Variants in ZMPSTE24 observed in about 807,000 individuals in gnomAD.
The protein encoded by ZMPSTE24 is CAAX prenyl protease 1 homolog.
Under a neutral mutation model 56.7 loss-of-function variants are expected in ZMPSTE24, and 48 were observed. That is an observed-to-expected ratio of 0.85 (90% CI 0.67 to 1.08). The LOEUF is 1.08. Among genes scored for constraint, ZMPSTE24 ranks in the 50% least tolerant of loss-of-function variants. ZMPSTE24 has a pLI of 0.00. For synonymous variants in ZMPSTE24, 172 were observed against 195.2 expected (o/e 0.88, Z 0.99); for missense variants, 503 against 548.7 (o/e 0.92, Z 0.83).
At chr1:40,270,318 T>G (rs1422285519) in intron 5 of ZMPSTE24, among the ~76,000 whole-genome samples, 191 bp downstream of exon 5, 3 of 152,208 alleles carry the variant, frequency 2.0e-5, no homozygotes, top group Admixed American at 6.5e-5. Flanking sequence ...TTCCTTCTCC[T>G]TATGCTAACT....
chr1:40,279,130 C>T (rs1042110408), intron 6 of ZMPSTE24, among the ~76,000 whole-genome samples: 1 of 152,058 alleles, frequency 6.6e-6, no homozygotes, highest in Admixed American at 6.6e-5. Flanking sequence ...GACAGAGAGA[C>T]CCTGTCTCAA....
At chr1:40,260,743 A>G (rs577116575) in intron 1 of ZMPSTE24, 96 bp from the exon 2 acceptor site, 7 of 1,296,808 alleles carry the variant, frequency 5.4e-6, no homozygotes, top group Middle Eastern at 4.0e-4. Context: ...TTCAACAGAT[A>G]TAAGTGGCAA....
Position 40,293,898 on chromosome 1 carries a change from A to G in ZMPSTE24, c.*1229A>G, listed in dbSNP as rs1386145346. 1.3e-5 allele frequency: 2 copies of G among 152,356 alleles called. No individual in the cohort carries two copies. Among genetic ancestry groups the G allele is most frequent in the African/African-American group, 4.8e-5 (2 of 41,468 alleles). The allele number at this position is 152,356 out of a possible 1,614,324, so 9.4% of individuals were successfully genotyped here. On this transcript the variant is annotated 3_prime_UTR_variant, in exon 10 of 10. Coordinates refer to ENST00000372759, the MANE Select transcript of ZMPSTE24 (RefSeq NM_005857.5). Reference sequence around the variant, plus strand: ...TATTACCTTCTGGGCATTTATTCCAAAGTGGGATCAACTGTACGCCTTTGG... The same window carrying G: ...TATTACCTTCTGGGCATTTATTCCAGAGTGGGATCAACTGTACGCCTTTGG...
intron 6 of ZMPSTE24, among the ~76,000 whole-genome samples, chr1:40,272,512 A>C (rs895323030): frequency 1.3e-5 from 2 of 152,164 alleles, no homozygotes; most frequent in African/African-American, 4.8e-5. Context: ...TGGAGGACTC[A>C]CCTGAAGATT....
intron 3 of ZMPSTE24, 70 bp downstream of exon 3, chr1:40,267,942 AT>A: frequency 7.0e-7 from 1 of 1,422,436 alleles, no homozygotes; most frequent in Non-Finnish European, 9.9e-7. Flanking sequence ...ACTAAAGTTA[AT>A]TTTTTGGCTT....
At chr1:40,268,556 G>A in intron 4 of ZMPSTE24, 21 bp downstream of exon 4, 1 of 1,482,060 alleles carries the variant, frequency 6.7e-7, no homozygotes, top group Non-Finnish European at 9.4e-7. Context: ...GAATACAAAT[G>A]TTCTCTTTTA....
chr1:40,291,022 C>T (rs777199015), intron 9 of ZMPSTE24, 25 bp downstream of exon 9: 1 of 1,612,242 alleles, frequency 6.2e-7, no homozygotes, highest in Non-Finnish European at 8.5e-7. Context: ...TTAAAATTAT[C>T]ACACATATGC....
intron 2 of ZMPSTE24, among the ~76,000 whole-genome samples, chr1:40,267,013 C>T (rs2312199): frequency 0.25 from 38,109 of 151,762 alleles, 4,874 homozygotes; most frequent in African/African-American, 0.27. Context: ...AGCAATCTGC[C>T]TGCCTTGGCC....
chr1:40,267,548 A>G (rs1046392090), intron 2 of ZMPSTE24, among the ~76,000 whole-genome samples: 3 of 147,918 alleles, frequency 2.0e-5, no homozygotes, highest in African/African-American at 7.3e-5. Flanking sequence ...AATTTTTTGT[A>G]GAGATGGGGT....
chr1:40,267,691 T>G, intron 2 of ZMPSTE24, 95 bp from the exon 3 acceptor site: 1 of 1,012,822 alleles, frequency 9.9e-7, no homozygotes, highest in East Asian at 2.4e-5. Flanking sequence ...TTAATAGAGA[T>G]GATTATTTTG....
In ZMPSTE24 at chr1:40,290,450, A is replaced by ATT. The variant is rs996301433; in HGVS notation, c.1060-377_1060-376dup. ...TACCTTTCTTAAAATCACACTATGA[A>ATT]TTTTTTTTTTTTTTTTTTTTTTTTT... On this transcript the variant is annotated intron_variant, in intron 8 of 9. Coordinates refer to ENST00000372759, the MANE Select transcript of ZMPSTE24 (RefSeq NM_005857.5). Among the ~76,000 whole-genome samples the ATT allele has an allele frequency of 2.1e-3, 175 of 82,580 alleles. 27 individuals carry two copies. The highest frequency in any genetic ancestry group is 8.1e-3 in the African/African-American group (140 of 17,206). 54.2% of individuals were successfully genotyped at this position (82,580 alleles called of 152,430 possible).
chr1:40,258,507 G>C, intron 1 of ZMPSTE24, 113 bp downstream of exon 1: 1 of 1,571,434 alleles, frequency 6.4e-7, no homozygotes, highest in Non-Finnish European at 8.7e-7. Flanking sequence ...TCTCGTCTTT[G>C]TGGTCCCTGC....
intron 2 of ZMPSTE24, chr1:40,262,801 T>A: frequency 2.5e-6 from 3 of 1,179,874 alleles, no homozygotes; most frequent in Non-Finnish European, 3.2e-6. Flanking sequence ...TTTGCTGTTT[T>A]GTCAACTGAC....
chr1:40,268,020 C>T, intron 3 of ZMPSTE24, 148 bp downstream of exon 3: 1 of 717,018 alleles, frequency 1.4e-6, no homozygotes, highest in Non-Finnish European at 2.5e-6. Context: ...ATTGGCATAA[C>T]ATTAGTTACA....
At chr1:40,279,650 C>T (rs1643707220) in intron 6 of ZMPSTE24, among the ~76,000 whole-genome samples, 1 of 152,144 alleles carries the variant, frequency 6.6e-6, no homozygotes, top group Non-Finnish European at 1.5e-5. Flanking sequence ...AACTTCATAG[C>T]CCAATTTGTT....
At chr1:40,280,485 C>T (rs922612880) in intron 6 of ZMPSTE24, among the ~76,000 whole-genome samples, 2 of 151,500 alleles carry the variant, frequency 1.3e-5, no homozygotes, top group African/African-American at 2.4e-5. Flanking sequence ...AGTGCAGTGG[C>T]GACATCTCTG....
intron 1 of ZMPSTE24, chr1:40,259,440 AAG>A (rs1358529196): frequency 6.6e-6 from 1 of 152,006 alleles, no homozygotes; most frequent in Non-Finnish European, 1.5e-5. Flanking sequence ...CTGCAAGGGG[AAG>A]AGTGTGTCTG....
chr1:40,262,354 A>C (rs947925336), intron 2 of ZMPSTE24, among the ~76,000 whole-genome samples: 1 of 152,348 alleles, frequency 6.6e-6, no homozygotes, highest in South Asian at 2.1e-4. Flanking sequence ...TTGGAAAACA[A>C]AGTCTCATTG....
In ZMPSTE24 at chr1:40,270,002, A is replaced by G. The variant is rs1643597545; in HGVS notation, c.502A>G (p.Ile168Val). 6.2e-7 allele frequency: 1 copy of G among 1,613,684 alleles called. No homozygotes were observed. Among genetic ancestry groups the G allele is most frequent in the Non-Finnish European group, 8.5e-7 (1 of 1,179,894 alleles). Reference sequence around the variant, plus strand: ...TTTGGGGTTCTTCATGAAAGATGCAATCAAGAAATTTGTTGTGACTCAGTG... The same window carrying G: ...TTTGGGGTTCTTCATGAAAGATGCAGTCAAGAAATTTGTTGTGACTCAGTG... ...QTLGFFMKDA[I>V]KKFVVTQCIL... Residue 168 changes from isoleucine (I) to valine (V), a missense_variant, in exon 5 of 10, where the codon ATC becomes GTC. Coordinates refer to ENST00000372759, the MANE Select transcript of ZMPSTE24 (RefSeq NM_005857.5).
Sources: gnomAD v4.1 joint callset for allele counts (sites outside exome capture counted in the v4.1 genomes callset) on GRCh38, gnomAD v4.1.1 for gene constraint, MANE v1.5 for transcripts, NCBI Gene and HGNC (gene_info 2026-07-23, HGNC 2026-07-21) for gene names.